Variants in CD44 observed in about 807,000 individuals in gnomAD.
CD44 encodes the protein CD44 antigen.
In CD44, 49 loss-of-function variants were observed where a neutral mutation model predicts 88.8. The observed-to-expected ratio is 0.55, with a 90% CI of 0.44 to 0.70. The LOEUF is 0.70. Ranked by LOEUF, CD44 falls within the 30% of genes least tolerant of loss-of-function variation. The probability of loss-of-function intolerance (pLI) is 0.00; values close to 1 mark genes in which losing one functional copy is unlikely to be tolerated. For missense variants in CD44, 883 were observed against 913.8 expected, an observed-to-expected ratio of 0.97 and a Z score of 0.43; for synonymous variants, 325 against 312.3, an observed-to-expected ratio of 1.04 and a Z score of -0.43.
At position 35,211,259 on chromosome 11, in the gene CD44, C is replaced by T. The variant is rs372175888; in HGVS notation, c.1620C>T (p.Val540=). Reference sequence around the variant, plus strand: ...ACCTCCACACAGATAGGAATGATGTCACAGGTGGAAGAAGAGACCCAAATC... The same window carrying T: ...ACCTCCACACAGATAGGAATGATGTTACAGGTGGAAGAAGAGACCCAAATC... ...STLTSSNRND[V]TGGRRDPNHS... is the part of the protein sequence containing the mutation. Residue 540 remains valine, a synonymous_variant, in exon 14 of 18, where the codon GTC becomes GTT. Coordinates refer to ENST00000428726, the MANE Select transcript of CD44 (RefSeq NM_000610.4). 5.0e-6 allele frequency: 8 copies of T among 1,613,082 alleles called. No individual in the cohort carries two copies. The highest frequency in any genetic ancestry group is 5.1e-6 in the Non-Finnish European group (6 of 1,179,150).
At chr11:35,204,156 G>A (rs1288083113) in intron 9 of CD44, among the ~76,000 whole-genome samples, 2 of 152,158 alleles carry the variant, frequency 1.3e-5, no homozygotes, top group Admixed American at 1.3e-4. Flanking sequence ...GAGCAAAGAG[G>A]TTATTCTTTG....
rs935410659 is a variant in CD44 at position 35,196,963 on chromosome 11, C to T, written c.796+89C>T. 44 of 1,379,108 alleles carry T rather than the reference C, an allele frequency of 3.2e-5. No homozygotes were observed. The East Asian group carries it at 7.1e-4, about 22-fold the overall frequency. 85.4% of individuals were successfully genotyped at this position (1,379,108 alleles called of 1,614,324 possible). On this transcript the variant is annotated intron_variant, in intron 6 of 17. Transcript: ENST00000428726. ...CCTCTGGGATGTTATTAAAGCCTAACGTTCCTTCTATTCTCACAAATTTTC... is the reference window on the plus strand; with the variant it reads ...CCTCTGGGATGTTATTAAAGCCTAATGTTCCTTCTATTCTCACAAATTTTC...
intron 17 of CD44, chr11:35,223,084 T>C: frequency 1.0e-6 from 1 of 985,298 alleles, no homozygotes; most frequent in Non-Finnish European, 1.2e-6. Context: ...AACAGCTATG[T>C]TGCTATCTAT....
intron 1 of CD44, among the ~76,000 whole-genome samples, chr11:35,155,469 A>G (rs772420038): frequency 6.6e-6 from 1 of 152,150 alleles, no homozygotes; most frequent in Non-Finnish European, 1.5e-5. Context: ...CTGAAAAGAC[A>G]TGCCTCATGG....
intron 6 of CD44, chr11:35,197,433 T>G (rs1248519702): frequency 6.6e-6 from 1 of 152,256 alleles, no homozygotes; most frequent in Non-Finnish European, 1.5e-5. Context: ...CTCCTTTTTT[T>G]ATTCAAAAAG....
At chr11:35,171,111 G>A (rs1943831276) in intron 1 of CD44, among the ~76,000 whole-genome samples, 1 of 152,188 alleles carries the variant, frequency 6.6e-6, no homozygotes, top group South Asian at 2.1e-4. Context: ...ATTAGCCACT[G>A]CTCTTGCTGT....
At chr11:35,166,035 A>G (rs1943226837) in intron 1 of CD44, among the ~76,000 whole-genome samples, 1 of 151,634 alleles carries the variant, frequency 6.6e-6, no homozygotes, top group South Asian at 2.1e-4. Flanking sequence ...AACTACCCAG[A>G]AAAAAAAATA....
At chr11:35,195,641 T>C (rs557543567) in intron 5 of CD44, among the ~76,000 whole-genome samples, 12 of 152,030 alleles carry the variant, frequency 7.9e-5, no homozygotes, top group Non-Finnish European at 1.5e-4. Flanking sequence ...CTTGAACTTG[T>C]TCTCAGTTTT....
chr11:35,199,825 C>A (rs1947115827), intron 7 of CD44, among the ~76,000 whole-genome samples: 1 of 151,494 alleles, frequency 6.6e-6, no homozygotes, highest in South Asian at 2.1e-4. Flanking sequence ...TCAGTAAATA[C>A]GTGGTCTTGA....
At chr11:35,177,162 TCTTA>T (rs1944548179) in intron 2 of CD44, 1 of 152,510 alleles carries the variant, frequency 6.6e-6, no homozygotes. Context: ...AACTACTCTC[TCTTA>T]CTCTCTCTTA....
chr11:35,217,744 C>T (rs1381704438), intron 15 of CD44, among the ~76,000 whole-genome samples: 1 of 152,172 alleles, frequency 6.6e-6, no homozygotes, highest in Non-Finnish European at 1.5e-5. Flanking sequence ...TAAGACCCCA[C>T]CATTTTCATC....
chr11:35,219,954 G>T (rs1949154204), intron 16 of CD44, among the ~76,000 whole-genome samples: 1 of 152,138 alleles, frequency 6.6e-6, no homozygotes, highest in Non-Finnish European at 1.5e-5. Flanking sequence ...TGGGACACCT[G>T]GTTCTCCTGA....
At chr11:35,215,056 T>C (rs537632217) in intron 15 of CD44, 142 bp downstream of exon 15, 16 of 451,964 alleles carry the variant, frequency 3.5e-5, no homozygotes, top group African/African-American at 3.2e-4. Flanking sequence ...GAGGGCTTAT[T>C]AAACCACAAT....
chr11:35,209,082 T>C (rs1203979167), intron 12 of CD44, among the ~76,000 whole-genome samples: 2 of 152,248 alleles, frequency 1.3e-5, no homozygotes, highest in African/African-American at 4.8e-5. Context: ...TTGGCTTTTG[T>C]TCTGACATTG....
At chr11:35,158,411 G>A (rs1401399115) in intron 1 of CD44, among the ~76,000 whole-genome samples, 1 of 152,276 alleles carries the variant, frequency 6.6e-6, no homozygotes. Context: ...CAATTATGTG[G>A]CCTTAAGCAG....
chr11:35,165,315 G>C (rs1404446522), intron 1 of CD44, among the ~76,000 whole-genome samples: 1 of 152,184 alleles, frequency 6.6e-6, no homozygotes, highest in Non-Finnish European at 1.5e-5. Context: ...GCACCAGAGG[G>C]GAATGGGGAA....
At chr11:35,186,951 C>A in intron 4 of CD44, 51 bp downstream of exon 4, 2 of 1,069,432 alleles carry the variant, frequency 1.9e-6, no homozygotes, top group Non-Finnish European at 2.9e-6. Flanking sequence ...GGGGAAAGGG[C>A]TCAGGTGTGT....
Position 35,211,309 on chromosome 11 carries a change from T to C in CD44, c.1670T>C (p.Leu557Pro), listed in dbSNP as rs755598195. ...PNHSEGSTTL[L>P]EGYTSHYPHT... ...CATTCTGAAGGCTCAACTACTTTAC[T>C]GGAAGGTTATACCTCTCATTACCCA... The change falls in exon 14 of 18, where the codon CTG becomes CCG. Residue 557 changes from leucine (L) to proline (P), a missense_variant. Physicochemically the swap from Leu to Pro is moderately conservative, Grantham distance 98. This residue lies in a region of CD44 where 631 missense variants were observed against 590.9 expected (regional missense o/e 1.07). Coordinates refer to ENST00000428726, the MANE Select transcript of CD44 (RefSeq NM_000610.4). The C allele has an allele frequency of 2.5e-6, 4 of 1,613,908 alleles. No homozygotes were observed. Among genetic ancestry groups the C allele is most frequent in the Non-Finnish European group, 3.4e-6 (4 of 1,179,920 alleles).
At chr11:35,216,752 G>A (rs367735531) in intron 15 of CD44, among the ~76,000 whole-genome samples, 4 of 152,272 alleles carry the variant, frequency 2.6e-5, no homozygotes, top group African/African-American at 9.6e-5. Flanking sequence ...AAAACCAAGA[G>A]ACCCCAGCCA....
Sources: gnomAD v4.1 joint callset for allele counts (sites outside exome capture counted in the v4.1 genomes callset) on GRCh38, gnomAD v4.1.1 for gene constraint, gnomAD v4.1.1 regional missense constraint, MANE v1.5 for transcripts, NCBI Gene and HGNC (gene_info 2026-07-23, HGNC 2026-07-21) for gene names.